SSC5D: variants seen among roughly 807,000 people sequenced by gnomAD.
SSC5D encodes the protein soluble scavenger receptor cysteine-rich domain-containing protein SSC5D.
SSC5D carries 106 observed loss-of-function variants against 104.6 expected under a neutral mutation model. The observed-to-expected ratio is 1.01, with a 90% CI of 0.87 to 1.19. The LOEUF (loss-of-function observed/expected upper bound fraction) is 1.19. Among genes scored for constraint, SSC5D ranks in the 50% most tolerant of loss-of-function variants. The pLI is 0.00. For synonymous variants in SSC5D, 860 were observed against 883.5 expected, an observed-to-expected ratio of 0.97 and a Z score of 0.47; for missense variants, 1,993 against 2,153.8, an observed-to-expected ratio of 0.93 and a Z score of 1.48.
At chr19:55,490,542 C>T (rs940028425) in intron 5 of SSC5D, 134 bp downstream of exon 5, 65 of 617,136 alleles carry the variant, frequency 1.1e-4, no homozygotes, top group South Asian at 5.3e-4. Flanking sequence ...CCGCGTCCCT[C>T]CCCCGGGGAT....
chr19:55,519,044 A>G lies in SSC5D; in HGVS notation c.*46A>G. 2.7e-6 allele frequency: 4 copies of G among 1,504,044 alleles called. No individual in the cohort carries two copies. The highest frequency in any genetic ancestry group is 2.8e-5 in the African/African-American group (2 of 70,412). The allele number at this position is 1,504,044 out of a possible 1,614,324, so 93.2% of individuals were successfully genotyped here. ...GCTTAAGACACCCCCAACCAAAAAA[A>G]ACAAAAACAAAAAAAACCCCCAAAG... is the stretch of plus-strand genomic sequence containing the variant. On this transcript the variant is annotated 3_prime_UTR_variant, in exon 14 of 14. Coordinates refer to ENST00000389623, the MANE Select transcript of SSC5D (RefSeq NM_001144950.2).
chr19:55,488,540 C>T lies in SSC5D; in HGVS notation c.-50C>T, dbSNP rs1289507122. The T allele has an allele frequency of 2.0e-6, 3 of 1,531,200 alleles. No homozygotes were observed. The highest frequency in any genetic ancestry group is 1.2e-5 in the South Asian group (1 of 83,576). The allele number at this position is 1,531,200 out of a possible 1,614,324, so 94.9% of individuals were successfully genotyped here. On this transcript the variant is annotated 5_prime_UTR_variant, in exon 1 of 14. Coordinates refer to ENST00000389623, the MANE Select transcript of SSC5D (RefSeq NM_001144950.2). Reference sequence around the variant, plus strand: ...CTCCCCAGCTGCCTCCTCCTCTTCTCTCCCCGCTCTCCTTCCCCTTTCACC... The same window carrying T: ...CTCCCCAGCTGCCTCCTCCTCTTCTTTCCCCGCTCTCCTTCCCCTTTCACC...
intron 9 of SSC5D, among the ~76,000 whole-genome samples, chr19:55,499,506 G>A (rs1053921398): frequency 2.6e-5 from 4 of 152,166 alleles, no homozygotes; most frequent in Non-Finnish European, 5.9e-5. Context: ...ATGAGGCCCT[G>A]ACTCAGAGCA....
At chr19:55,489,248 G>A in intron 2 of SSC5D, 106 bp from the exon 3 acceptor site, 2 of 1,283,154 alleles carry the variant, frequency 1.6e-6, no homozygotes, top group Admixed American at 3.4e-5. Flanking sequence ...AGGGCCACTG[G>A]CCTACAGACA....
chr19:55,518,187 C>A lies in SSC5D; in HGVS notation c.3911C>A (p.Thr1304Asn). Residue 1304 changes from threonine (T) to asparagine (N), a missense_variant, in exon 14 of 14, where the codon ACT (threonine) becomes AAT (asparagine). By Grantham distance (65) the Thr-to-Asn change is moderately conservative. Around this residue, in one of 6 missense-constraint regions of SSC5D, gnomAD observed 349 missense variants for 397.6 expected, o/e 0.88. Coordinates refer to ENST00000389623, the MANE Select transcript of SSC5D (RefSeq NM_001144950.2). ...ACCACAACCCCTCACCCCACCATGACTCCTGACCCCACCACGACCCCTTAC... is the reference window on the plus strand; with the variant it reads ...ACCACAACCCCTCACCCCACCATGAATCCTGACCCCACCACGACCCCTTAC... ...HPTTTPHPTM[T>N]PDPTTTPYPT... 7.2e-7 allele frequency: 1 copy of A among 1,389,410 alleles called. No individual in the cohort carries two copies. Among genetic ancestry groups the A allele is most frequent in the South Asian group, 1.3e-5 (1 of 78,056 alleles). The allele number at this position is 1,389,410 out of a possible 1,614,324, so 86.1% of individuals were successfully genotyped here.
intron 13 of SSC5D, among the ~76,000 whole-genome samples, chr19:55,515,751 A>C: frequency 6.6e-6 from 1 of 152,020 alleles, no homozygotes; most frequent in African/African-American, 2.4e-5. Context: ...AATAAAATAA[A>C]ATAAAAGAAA....
chr19:55,488,701 TC>T, intron 1 of SSC5D, 87 bp downstream of exon 1: 4 of 1,231,802 alleles, frequency 3.2e-6, no homozygotes, highest in Non-Finnish European at 4.7e-6. Context: ...GACTCAAACT[TC>T]CGGGACTGGT....
chr19:55,500,485 C>T lies in SSC5D; in HGVS notation c.2303-5C>T, dbSNP rs1019952018. On this transcript the variant is annotated splice_polypyrimidine_tract_variant and splice_region_variant and intron_variant, in intron 10 of 13. Coordinates refer to ENST00000389623, the MANE Select transcript of SSC5D (RefSeq NM_001144950.2). The surrounding 1 kb of genome is among the most constrained non-coding windows in gnomAD (Gnocchi z 4.6). ...TCCCTCCTGACCTAAGGGCCTTCCA[C>T]GCAGGCCTGTTCCGGGTTCGTCTGG... The T allele has an allele frequency of 2.5e-5, 39 of 1,550,880 alleles. No homozygotes were observed. The highest frequency in any genetic ancestry group is 3.1e-5 in the Non-Finnish European group (36 of 1,146,544).
intron 4 of SSC5D, 49 bp downstream of exon 4, chr19:55,490,044 G>GC (rs371994295): frequency 1.0e-4 from 133 of 1,304,418 alleles, no homozygotes; most frequent in African/African-American, 3.2e-4. Flanking sequence ...GTGCCCTCCT[G>GC]CCCCCCCCGA....
intron 6 of SSC5D, 68 bp downstream of exon 6, chr19:55,491,148 G>A: frequency 2.7e-6 from 4 of 1,483,412 alleles, no homozygotes; most frequent in South Asian, 2.7e-5. Flanking sequence ...GCCCCTCCAG[G>A]AAGCTGCAGC....
At chr19:55,510,098 A>G (rs1323953895) in intron 12 of SSC5D, among the ~76,000 whole-genome samples, 1 of 151,922 alleles carries the variant, frequency 6.6e-6, no homozygotes, top group Non-Finnish European at 1.5e-5. Flanking sequence ...CCAAGGCTCA[A>G]GTGATTCTCA....
At chr19:55,504,420 C>A in intron 12 of SSC5D, 1 of 1,078,406 alleles carries the variant, frequency 9.3e-7, no homozygotes, top group Non-Finnish European at 1.2e-6. Context: ...GGCAGGCATG[C>A]ATTCTTAGCT....
At chr19:55,491,126 C>T (rs1381820839) in intron 6 of SSC5D, 46 bp downstream of exon 6, 2 of 1,514,412 alleles carry the variant, frequency 1.3e-6, no homozygotes, top group African/African-American at 2.8e-5. Flanking sequence ...CCTCAGACCC[C>T]AGCTCCCTCT....
rs1599921272 is a variant in SSC5D, at chr19:55,500,537, C to T, written c.2350C>T (p.Arg784Trp). The stretch of plus-strand genomic sequence containing the variant: ...CGATGGGCCCAACCGCTGTGCTGGC[C>T]GGCTGGAAGTGTGGCATGCCGGACG... ...LADGPNRCAG[R>W]LEVWHAGRWG... is the part of the protein sequence containing the mutation. Residue 784 changes from arginine (R) to tryptophan (W), a missense_variant, in exon 11 of 14, where the codon CGG becomes TGG. Around this residue, in one of 6 missense-constraint regions of SSC5D, gnomAD observed 70 missense variants for 107.1 expected, o/e 0.65. Coordinates refer to ENST00000389623, the MANE Select transcript of SSC5D (RefSeq NM_001144950.2). This position sits in a 1 kb window ranked among gnomAD's most constrained non-coding sequence, Gnocchi z 4.6. 7 of 1,551,700 alleles carry T rather than the reference C, an allele frequency of 4.5e-6. No individual in the cohort carries two copies. The Middle Eastern group carries it at 6.7e-4, about 148-fold the overall frequency.
At chr19:55,497,829 G>A (rs1280553279) in intron 8 of SSC5D, 51 bp from the exon 9 acceptor site, 1 of 1,463,754 alleles carries the variant, frequency 6.8e-7, no homozygotes, top group Non-Finnish European at 9.1e-7. Context: ...GAAGAGTCAG[G>A]AGGCTGGGCG....
Position 55,490,397 on chromosome 19 carries a change from C to T in SSC5D, c.575C>T (p.Ala192Val). 3 of 1,420,610 alleles carry T rather than the reference C, an allele frequency of 2.1e-6. No homozygotes were observed. The highest frequency in any genetic ancestry group is 2.9e-6 in the Non-Finnish European group (3 of 1,045,024). 88.0% of individuals were successfully genotyped at this position (1,420,610 alleles called of 1,614,324 possible). A position where few individuals can be genotyped will look rare whatever the true frequency, so the allele number is the denominator to read the frequency against. ...STRAPLLTTGAPRQERLRLVS... is the reference protein window; with the variant it reads ...STRAPLLTTGVPRQERLRLVS... The stretch of plus-strand genomic sequence containing the variant: ...CGGGCCCCTCTGCTGACGACAGGAG[C>T]CCCCCGCCAAGGTAAGCTCCCTGCA... Residue 192 changes from alanine to valine, a missense_variant, in exon 5 of 14, where the codon GCC becomes GTC. Ala to Val is a moderately conservative substitution (Grantham distance 64, BLOSUM62 0). Around this residue, in one of 6 missense-constraint regions of SSC5D, gnomAD observed 1,101 missense variants for 1,085.0 expected, o/e 1.01. Transcript: ENST00000389623.
intron 13 of SSC5D, among the ~76,000 whole-genome samples, chr19:55,514,358 T>C (rs543276531): frequency 1.3e-5 from 2 of 150,400 alleles, no homozygotes; most frequent in Non-Finnish European, 3.0e-5. Context: ...TGAGCCGAGA[T>C]TGCGCCACTG....
Position 55,499,833 on chromosome 19 carries a change from TCCATCTCAGACC to T in SSC5D, c.1726_1737del (p.Ile576_Pro579del), listed in dbSNP as rs1469064087. On this transcript the variant is annotated inframe_deletion, in exon 10 of 14. Transcript: ENST00000389623. ...CCTTCCAGGGCCCCCAGGCCTGGAC[TCCATCTCAGACC>T]CCTTCAGCTGGAGCTGGATTCCTGG... 2 of 1,551,310 alleles carry T rather than the reference TCCATCTCAGACC, an allele frequency of 1.3e-6. No homozygotes were observed. The highest frequency in any genetic ancestry group is 1.7e-6 in the Non-Finnish European group (2 of 1,146,826).
At chr19:55,489,071 C>A (rs573118992) in intron 2 of SSC5D, 39 bp downstream of exon 2, 23 of 1,096,850 alleles carry the variant, frequency 2.1e-5, no homozygotes, top group Admixed American at 6.9e-5. Flanking sequence ...CGCCCCCCCC[C>A]CCAGGCCTCC....
Sources: allele counts gnomAD v4.1 joint callset (sites outside exome capture counted in the v4.1 genomes callset), GRCh38; gene constraint gnomAD v4.1.1; regional missense constraint gnomAD v4.1.1; non-coding constraint Gnocchi (gnomAD v3.1); transcripts MANE v1.5; gene names NCBI Gene and HGNC (gene_info 2026-07-23, HGNC 2026-07-21).